Variants in CACNG4 observed in about 807,000 individuals in gnomAD.
CACNG4 encodes calcium voltage-gated channel auxiliary subunit gamma 4.
In CACNG4, 8 loss-of-function variants were observed where a neutral mutation model predicts 22.9. That is an observed-to-expected ratio of 0.35 (90% CI 0.21 to 0.63). The LOEUF (loss-of-function observed/expected upper bound fraction) is 0.63, where lower values mean the gene tolerates loss of function less well. Among genes scored for constraint, CACNG4 ranks in the 30% least tolerant of loss-of-function variants. The probability of loss-of-function intolerance (pLI) is 0.72; values close to 1 mark genes in which losing one functional copy is unlikely to be tolerated. For missense variants in CACNG4, 357 were observed against 455.4 expected, an observed-to-expected ratio of 0.78 and a Z score of 1.97; for synonymous variants, 188 against 191.9, an observed-to-expected ratio of 0.98 and a Z score of 0.17.
Position 67,024,964 on chromosome 17 carries a change from A to C in CACNG4, c.409A>C (p.Ile137Leu), listed in dbSNP as rs368186078. 9 of 1,604,598 alleles carry C rather than the reference A, an allele frequency of 5.6e-6. No homozygotes were observed. The highest frequency in any genetic ancestry group is 7.6e-6 in the Non-Finnish European group (9 of 1,176,898). Residue 137 changes from isoleucine to leucine, a missense_variant, in exon 3 of 4, where the codon ATC becomes CTC. This residue lies in a region of CACNG4 where 240 missense variants were observed against 277.6 expected (regional missense o/e 0.86). Transcript: ENST00000262138. ...AGRIYSRKNN[I>L]VLSAGILFVA... is the part of the protein sequence containing the mutation. ...CAGGATCTACAGCCGCAAGAACAAC[A>C]TCGTCCTCAGTGCCGGCATCCTCTT...
At chr17:66,988,453 C>T (rs2035318416) in intron 1 of CACNG4, among the ~76,000 whole-genome samples, 1 of 152,200 alleles carries the variant, frequency 6.6e-6, no homozygotes, top group South Asian at 2.1e-4. Context: ...TCTTGGAAAT[C>T]CAGCTCCATC....
chr17:67,014,463 T>C (rs1373838636), intron 1 of CACNG4, among the ~76,000 whole-genome samples: 2 of 152,090 alleles, frequency 1.3e-5, no homozygotes, highest in African/African-American at 4.8e-5. Context: ...TCAACAGCGA[T>C]ACCCAGTCCC....
In CACNG4 at chr17:67,031,353, A is replaced by C; in HGVS notation, c.*349A>C. Reference sequence around the variant, plus strand: ...AGCCATTATCTCCTCTTGGAAACGAATCTTGCCAGAAAAACGGGATTTCAG... The same window carrying C: ...AGCCATTATCTCCTCTTGGAAACGACTCTTGCCAGAAAAACGGGATTTCAG... On this transcript the variant is annotated 3_prime_UTR_variant, in exon 4 of 4. Transcript: ENST00000262138. This position sits in a 1 kb window ranked among gnomAD's most constrained non-coding sequence, Gnocchi z 4.0. 2 of 495,614 alleles carry C rather than the reference A, an allele frequency of 4.0e-6. No individual in the cohort carries two copies. The highest frequency in any genetic ancestry group is 3.1e-5 in the South Asian group (2 of 64,910). The allele number at this position is 495,614 out of a possible 1,614,324, so 30.7% of individuals were successfully genotyped here.
At chr17:66,970,300 G>A (rs1438866714) in intron 1 of CACNG4, among the ~76,000 whole-genome samples, 1 of 152,194 alleles carries the variant, frequency 6.6e-6, no homozygotes, top group Non-Finnish European at 1.5e-5. Flanking sequence ...GGCAGGTAAG[G>A]GGGTTGTTGG....
intron 1 of CACNG4, among the ~76,000 whole-genome samples, chr17:66,966,763 G>A (rs1210944792): frequency 1.3e-5 from 2 of 152,142 alleles, no homozygotes. Flanking sequence ...TGTGCAATCA[G>A]TAGTTCGAGA....
At position 67,031,315 on chromosome 17, in the gene CACNG4, G is replaced by C; in HGVS notation, c.*311G>C. ...GGCTGCCTGGCCTTGATCAACTTGG[G>C]AAGACAAAATTGAGCCATTATCTCC... On this transcript the variant is annotated 3_prime_UTR_variant, in exon 4 of 4. Transcript: ENST00000262138. The surrounding 1 kb of genome is among the most constrained non-coding windows in gnomAD (Gnocchi z 4.0). 1.8e-6 allele frequency: 1 copy of C among 570,876 alleles called. No individual in the cohort carries two copies. Among genetic ancestry groups the C allele is most frequent in the South Asian group, 1.5e-5 (1 of 65,546 alleles). The allele number at this position is 570,876 out of a possible 1,614,324, so 35.4% of individuals were successfully genotyped here.
At chr17:66,966,975 A>G (rs2035174805) in intron 1 of CACNG4, among the ~76,000 whole-genome samples, 1 of 152,192 alleles carries the variant, frequency 6.6e-6, no homozygotes, top group African/African-American at 2.4e-5. Flanking sequence ...CCACCTCACA[A>G]GCAAGTTCCA....
intron 1 of CACNG4, among the ~76,000 whole-genome samples, chr17:67,007,833 G>A (rs891120436): frequency 1.3e-5 from 2 of 152,124 alleles, no homozygotes; most frequent in Non-Finnish European, 2.9e-5. Flanking sequence ...CCCTCTCAAC[G>A]GACACCTGTG....
At chr17:66,974,852 C>T (rs890262427) in intron 1 of CACNG4, among the ~76,000 whole-genome samples, 1 of 152,174 alleles carries the variant, frequency 6.6e-6, no homozygotes, top group African/African-American at 2.4e-5. Context: ...ACCCTTTCCT[C>T]CCCCATTAGT....
chr17:66,989,574 G>A (rs1046027297), intron 1 of CACNG4, among the ~76,000 whole-genome samples: 8 of 151,580 alleles, frequency 5.3e-5, no homozygotes, highest in Non-Finnish European at 1.0e-4. Flanking sequence ...AAGCCAGCTC[G>A]TTTGTGGTAC....
chr17:67,001,506 C>T (rs951252118), intron 1 of CACNG4, among the ~76,000 whole-genome samples: 5 of 152,168 alleles, frequency 3.3e-5, no homozygotes, highest in East Asian at 3.9e-4. Context: ...TCCTTCAAGG[C>T]GCAGCTGTAC....
intron 1 of CACNG4, among the ~76,000 whole-genome samples, chr17:67,012,536 G>A (rs1489837491): frequency 6.6e-6 from 1 of 152,196 alleles, no homozygotes; most frequent in Non-Finnish European, 1.5e-5. Context: ...TTCAGAAGCA[G>A]TGTAGAAAGG....
At chr17:66,991,545 G>A (rs2035340573) in intron 1 of CACNG4, among the ~76,000 whole-genome samples, 1 of 152,108 alleles carries the variant, frequency 6.6e-6, no homozygotes, top group East Asian at 1.9e-4. Flanking sequence ...GCTTGAGTCT[G>A]TTCTCCTGTT....
At chr17:66,976,091 C>T (rs557317638) in intron 1 of CACNG4, among the ~76,000 whole-genome samples, 6 of 152,246 alleles carry the variant, frequency 3.9e-5, no homozygotes, top group African/African-American at 9.6e-5. Flanking sequence ...CGACACCTGC[C>T]GAGAGCCCTG....
chr17:66,989,974 A>G (rs1025797482), intron 1 of CACNG4, among the ~76,000 whole-genome samples: 2 of 152,190 alleles, frequency 1.3e-5, no homozygotes, highest in East Asian at 3.8e-4. Flanking sequence ...TGGGTGAAAA[A>G]TACATTCATT....
intron 1 of CACNG4, 148 bp downstream of exon 1, chr17:66,965,279 T>C (rs1206084006): frequency 7.2e-6 from 4 of 557,074 alleles, no homozygotes; most frequent in Non-Finnish European, 1.2e-5. Context: ...CGGCGCTGGC[T>C]CCGCGCGAGA....
intron 1 of CACNG4, among the ~76,000 whole-genome samples, chr17:66,989,187 A>G (rs976743181): frequency 2.6e-5 from 4 of 151,308 alleles, no homozygotes; most frequent in African/African-American, 9.8e-5. Context: ...TCCCCTAAAA[A>G]GATATGTCAA....
At chr17:67,028,565 C>A (rs867850264) in intron 3 of CACNG4, among the ~76,000 whole-genome samples, 1,778 of 151,012 alleles carry the variant, frequency 0.012, 42 homozygotes, top group African/African-American at 0.04. Flanking sequence ...AAAAGAAAAA[C>A]AAAAACAGAA....
At chr17:67,026,934 T>C (rs974310906) in intron 3 of CACNG4, among the ~76,000 whole-genome samples, 6 of 139,268 alleles carry the variant, frequency 4.3e-5, no homozygotes, top group Non-Finnish European at 3.1e-5. Context: ...GCCCGCCACC[T>C]GCTCCTTGAA....
Sources: gnomAD v4.1 joint callset for allele counts (sites outside exome capture counted in the v4.1 genomes callset) on GRCh38, gnomAD v4.1.1 for gene constraint, gnomAD v4.1.1 regional missense constraint, Gnocchi (gnomAD v3.1) non-coding constraint, MANE v1.5 for transcripts, NCBI Gene and HGNC (gene_info 2026-07-23, HGNC 2026-07-21) for gene names.